The following SLC66A2 variants were observed in gnomAD, a reference collection of about 807,000 sequenced individuals.
SLC66A2 encodes the protein PQ loop repeat containing 1.
Under a neutral mutation model 25.5 loss-of-function variants are expected in SLC66A2, and 23 were observed. The ratio of observed to expected loss-of-function variants is 0.90; its 90% confidence interval spans 0.65 to 1.28. The LOEUF is 1.28. Among genes scored for constraint, SLC66A2 ranks in the 50% most tolerant of loss-of-function variants. The probability of loss-of-function intolerance (pLI) is 0.00; values close to 1 mark genes in which losing one functional copy is unlikely to be tolerated. For synonymous variants in SLC66A2, 193 were observed against 166.5 expected (o/e 1.16, Z -1.23); for missense variants, 396 against 373.1 (o/e 1.06, Z -0.51).
In SLC66A2 at chr18:79,943,519, C is replaced by T. The variant is rs567416099; in HGVS notation, c.204-57G>A. The T allele has an allele frequency of 2.5e-6, 4 of 1,585,136 alleles. No homozygotes were observed. In the South Asian group the frequency reaches 4.6e-5, roughly 18 times the overall value. The stretch of plus-strand genomic sequence containing the variant: ...TCCACCCATGCCACTTCTCCCAGTC[C>T]CGAACCTGCAGCGGGAGAGACCCGG... On this transcript the variant is annotated intron_variant, in intron 2 of 5. Coordinates refer to ENST00000397778, the MANE Select transcript of SLC66A2 (RefSeq NM_025078.5).
chr18:79,910,627 T>C (rs888022352), intron 5 of SLC66A2, among the ~76,000 whole-genome samples: 1 of 152,268 alleles, frequency 6.6e-6, no homozygotes, highest in South Asian at 2.1e-4. Flanking sequence ...CATTTTCTCA[T>C]TCTAAAAGAG....
At chr18:79,928,970 A>T (rs1055400746) in intron 4 of SLC66A2, among the ~76,000 whole-genome samples, 10 of 152,294 alleles carry the variant, frequency 6.6e-5, no homozygotes, top group African/African-American at 2.2e-4. Context: ...CCCTCAGAGG[A>T]CCAGAGGTTC....
intron 5 of SLC66A2, among the ~76,000 whole-genome samples, chr18:79,912,239 G>A (rs1983338388): frequency 6.9e-6 from 1 of 145,258 alleles, no homozygotes; most frequent in African/African-American, 2.5e-5. Flanking sequence ...TCCAACCGGC[G>A]ATTCCACCCC....
chr18:79,913,575 G>A (rs72982269), intron 5 of SLC66A2, among the ~76,000 whole-genome samples: 7,256 of 152,356 alleles, frequency 0.048, 241 homozygotes, highest in Non-Finnish European at 0.071. Flanking sequence ...GGTGGAAACC[G>A]TGTGTGCATC....
At chr18:79,936,054 G>A (rs1300754533) in intron 3 of SLC66A2, among the ~76,000 whole-genome samples, 1 of 152,234 alleles carries the variant, frequency 6.6e-6, no homozygotes, top group Non-Finnish European at 1.5e-5. Flanking sequence ...CAGGAAGGAG[G>A]CTGGCTGGGC....
intron 5 of SLC66A2, among the ~76,000 whole-genome samples, chr18:79,911,655 G>A (rs1355142622): frequency 1.3e-5 from 2 of 152,224 alleles, no homozygotes; most frequent in African/African-American, 4.8e-5. Context: ...CAGAGAAGAT[G>A]GCTCCACCAC....
intron 3 of SLC66A2, among the ~76,000 whole-genome samples, chr18:79,935,763 G>T (rs2144894500): frequency 6.6e-6 from 1 of 152,272 alleles, no homozygotes; most frequent in East Asian, 1.9e-4. Flanking sequence ...CCAGCAGATA[G>T]ATGGCTAGCA....
chr18:79,908,223 T>G (rs1157189697), intron 5 of SLC66A2, among the ~76,000 whole-genome samples: 1 of 152,190 alleles, frequency 6.6e-6, no homozygotes, highest in Non-Finnish European at 1.5e-5. Context: ...AAGAACTTTT[T>G]TTAGTATTTC....
intron 4 of SLC66A2, among the ~76,000 whole-genome samples, chr18:79,922,324 T>C (rs1250217686): frequency 6.6e-6 from 1 of 151,588 alleles, no homozygotes; most frequent in Admixed American, 6.6e-5. Context: ...AAATTAATCT[T>C]AATCTCTGAG....
Position 79,916,616 on chromosome 18 carries a change from C to T in SLC66A2, c.608+2568G>A, listed in dbSNP as rs556391808. ...CAAGTAGACAGGCTTTGGGAGGCTC[C>T]GGGGAGAGCTGAATTTGCGGGAGCC... On this transcript the variant is annotated intron_variant, in intron 5 of 5. Transcript: ENST00000397778. Among the ~76,000 whole-genome samples the T allele has an allele frequency of 3.9e-4, 60 of 152,284 alleles. 1 individual carries two copies. Among genetic ancestry groups the T allele is most frequent in the African/African-American group, 1.1e-3 (45 of 41,554 alleles).
rs1317305882 is a variant in SLC66A2 at position 79,937,698 on chromosome 18, A to T, written c.338-3676T>A. Among the ~76,000 whole-genome samples the T allele has an allele frequency of 6.6e-6, 1 of 152,078 alleles. No homozygotes were observed. Among genetic ancestry groups the T allele is most frequent in the African/African-American group, 2.4e-5 (1 of 41,374 alleles). On this transcript the variant is annotated intron_variant, in intron 3 of 5. Transcript: ENST00000397778. This position sits in a 1 kb window ranked among gnomAD's most constrained non-coding sequence, Gnocchi z 5.4. ...CGCAACCATCCTGCGAAACACAAGAACCAAACCTGGATCCGATAGGGCCTC... is the reference window on the plus strand; with the variant it reads ...CGCAACCATCCTGCGAAACACAAGATCCAAACCTGGATCCGATAGGGCCTC...
intron 4 of SLC66A2, among the ~76,000 whole-genome samples, chr18:79,931,455 T>C (rs200276663): frequency 1.3e-5 from 2 of 152,182 alleles, no homozygotes; most frequent in East Asian, 3.9e-4. Context: ...AATATGCATA[T>C]ACGTCCCTAA....
intron 5 of SLC66A2, among the ~76,000 whole-genome samples, chr18:79,908,220 T>G (rs1568290331): frequency 6.6e-6 from 1 of 152,170 alleles, no homozygotes; most frequent in African/African-American, 2.4e-5. Flanking sequence ...CGGAAGAACT[T>G]TTTTTAGTAT....
intron 3 of SLC66A2, among the ~76,000 whole-genome samples, chr18:79,935,102 C>A (rs1864863756): frequency 6.6e-6 from 1 of 151,412 alleles, no homozygotes; most frequent in East Asian, 2.0e-4. Flanking sequence ...TCTCCACGGG[C>A]GCCTCTTCTA....
At chr18:79,907,096 G>A (rs547632965) in intron 5 of SLC66A2, among the ~76,000 whole-genome samples, 8 of 152,314 alleles carry the variant, frequency 5.3e-5, no homozygotes, top group African/African-American at 1.7e-4. Context: ...GCAGGTAGCT[G>A]AGTCTTGTGT....
chr18:79,933,864 T>C (rs1986812115), intron 4 of SLC66A2, 105 bp downstream of exon 4: 4 of 972,010 alleles, frequency 4.1e-6, no homozygotes, highest in Non-Finnish European at 6.4e-6. Flanking sequence ...TTGGTAAAGA[T>C]GACGCACGCA....
chr18:79,943,358 T>G lies in SLC66A2; in HGVS notation c.308A>C (p.Glu103Ala), dbSNP rs1386593920. The G allele has an allele frequency of 6.2e-7, 1 of 1,614,050 alleles. No individual in the cohort carries two copies. The highest frequency in any genetic ancestry group is 8.5e-7 in the Non-Finnish European group (1 of 1,180,028). The change falls in exon 3 of 6, where the codon GAG becomes GCG. Residue 103 changes from glutamate (E) to alanine (A), a missense_variant. By Grantham distance (107) the Glu-to-Ala change is moderately radical. Transcript: ENST00000397778. ...AAAGGAGCGGCGCCTGGCGTTGAGCTCGTTGGCCACACGGACCTCGGTGCA... is the reference window on the plus strand; with the variant it reads ...AAAGGAGCGGCGCCTGGCGTTGAGCGCGTTGGCCACACGGACCTCGGTGCA... The part of the protein sequence containing the change: ...KLCTEVRVAN[E>A]LNARRRSFTA...
chr18:79,912,849 C>T (rs1983445179), intron 5 of SLC66A2, among the ~76,000 whole-genome samples: 1 of 152,182 alleles, frequency 6.6e-6, no homozygotes, highest in Non-Finnish European at 1.5e-5. Context: ...CCTGTTAACC[C>T]AGGCATCCTG....
At chr18:79,915,802 C>T (rs1461440540) in intron 5 of SLC66A2, 1 of 152,420 alleles carries the variant, frequency 6.6e-6, no homozygotes, top group African/African-American at 2.4e-5. Flanking sequence ...CTCCTGGGAT[C>T]CCTGAGACAC....
Sources: gnomAD v4.1 joint callset for allele counts (sites outside exome capture counted in the v4.1 genomes callset) on GRCh38, gnomAD v4.1.1 for gene constraint, Gnocchi (gnomAD v3.1) non-coding constraint, MANE v1.5 for transcripts, NCBI Gene and HGNC (gene_info 2026-07-23, HGNC 2026-07-21) for gene names.